NCKAP1: variants seen among roughly 807,000 people sequenced by gnomAD.
The protein encoded by NCKAP1 is nck-associated protein 1.
A neutral mutation model predicts 151.2 loss-of-function variants in NCKAP1; 21 were observed. The observed-to-expected ratio is 0.14, with a 90% CI of 0.10 to 0.20. The LOEUF is 0.20. Ranked by LOEUF, NCKAP1 falls within the 10% of genes least tolerant of loss-of-function variation. The pLI is 1.00. For synonymous variants in NCKAP1, 484 were observed against 451.8 expected, an observed-to-expected ratio of 1.07 and a Z score of -0.90; for missense variants, 933 against 1,352.1, an observed-to-expected ratio of 0.69 and a Z score of 4.86.
At chr2:183,000,818 C>T (rs1698361078) in intron 6 of NCKAP1, among the ~76,000 whole-genome samples, 1 of 152,160 alleles carries the variant, frequency 6.6e-6, no homozygotes, top group Non-Finnish European at 1.5e-5. Flanking sequence ...AGTGGCCAGG[C>T]ACAGTGGCTC....
intron 2 of NCKAP1, among the ~76,000 whole-genome samples, chr2:183,005,008 ACT>A (rs1418915395): frequency 1.3e-5 from 2 of 150,890 alleles, no homozygotes; most frequent in African/African-American, 4.9e-5. Context: ...AGAGTAGCTG[ACT>A]CTATTTTGCA....
At chr2:182,945,519 T>C (rs1697086251) in intron 23 of NCKAP1, among the ~76,000 whole-genome samples, 1 of 152,148 alleles carries the variant, frequency 6.6e-6, no homozygotes. Context: ...AAGATGCTAT[T>C]AGAGATATCA....
intron 8 of NCKAP1, among the ~76,000 whole-genome samples, chr2:182,990,066 GAATA>G (rs1279329023): frequency 5.9e-5 from 9 of 151,426 alleles, no homozygotes; most frequent in African/African-American, 9.7e-5. Context: ...CTAATCATGA[GAATA>G]AATCATAGCA....
chr2:182,954,280 C>G (rs1322124055), intron 20 of NCKAP1, among the ~76,000 whole-genome samples: 1 of 152,044 alleles, frequency 6.6e-6, no homozygotes, highest in African/African-American at 2.4e-5. Flanking sequence ...CTGTTTATAT[C>G]TCAAGAAACT....
chr2:183,030,717 A>G, intron 1 of NCKAP1, among the ~76,000 whole-genome samples: 1 of 152,252 alleles, frequency 6.6e-6, no homozygotes, highest in East Asian at 1.9e-4. Flanking sequence ...TAATACCTAG[A>G]GGAAGAATAG....
intron 18 of NCKAP1, among the ~76,000 whole-genome samples, chr2:182,960,152 C>A (rs889371367): frequency 6.6e-6 from 1 of 152,182 alleles, no homozygotes; most frequent in Admixed American, 6.5e-5. Flanking sequence ...AATGGCTACA[C>A]TGCCCAAGGT....
At chr2:183,015,067 T>C (rs895496127) in intron 2 of NCKAP1, among the ~76,000 whole-genome samples, 1 of 152,224 alleles carries the variant, frequency 6.6e-6, no homozygotes. Flanking sequence ...CCCAGTGTAA[T>C]GCTCATTGGC....
chr2:182,950,126 C>T (rs1255268366), intron 23 of NCKAP1, among the ~76,000 whole-genome samples: 1 of 152,022 alleles, frequency 6.6e-6, no homozygotes, highest in Non-Finnish European at 1.5e-5. Context: ...TTTGAAATGA[C>T]ACAACAGCAA....
chr2:183,010,902 T>C (rs1698579541), intron 2 of NCKAP1, among the ~76,000 whole-genome samples: 1 of 152,226 alleles, frequency 6.6e-6, no homozygotes, highest in South Asian at 2.1e-4. Flanking sequence ...TTTTAAAACC[T>C]TTCTAATATG....
intron 24 of NCKAP1, among the ~76,000 whole-genome samples, chr2:182,936,215 C>T (rs912515672): frequency 3.3e-5 from 5 of 151,916 alleles, no homozygotes; most frequent in African/African-American, 1.2e-4. Context: ...CATGCCACTG[C>T]ACATCAGCCT....
chr2:182,978,816 A>G lies in NCKAP1; in HGVS notation c.1423+18T>C. The stretch of plus-strand genomic sequence containing the variant: ...TCTAATTAGAAGAAAATATGCTTTT[A>G]TTTAAAAGGCTTATTACCTTGTTTT... On this transcript the variant is annotated intron_variant, in intron 14 of 30. Transcript: ENST00000361354. 1 of 1,421,618 alleles carries G rather than the reference A, an allele frequency of 7.0e-7. No individual in the cohort carries two copies. Among genetic ancestry groups the G allele is most frequent in the Non-Finnish European group, 9.6e-7 (1 of 1,040,070 alleles). The allele number at this position is 1,421,618 out of a possible 1,614,324, so 88.1% of individuals were successfully genotyped here.
rs1234666065 is a variant in NCKAP1 at position 182,925,802 on chromosome 2, G to A, written c.3287C>T (p.Pro1096Leu). Residue 1096 changes from proline (P) to leucine (L), a missense_variant, in exon 31 of 31, where the codon CCA becomes CTA. Pro to Leu is a moderately conservative substitution (Grantham distance 98, BLOSUM62 -3). Coordinates refer to ENST00000361354, the MANE Select transcript of NCKAP1 (RefSeq NM_013436.5). ...LLLDMIVQES[P>L]FLTMDLLESC... is the part of the protein sequence containing the mutation. ...TTCCAAAAGATCCATTGTAAGGAAT[G>A]GAGATTCTTGTACAATCTGTAAAAT... is the stretch of plus-strand genomic sequence containing the variant. 1.3e-6 allele frequency: 2 copies of A among 1,565,870 alleles called. No individual in the cohort carries two copies. Among genetic ancestry groups the A allele is most frequent in the South Asian group, 1.2e-5 (1 of 83,360 alleles).
Position 182,925,643 on chromosome 2 carries a change from G to T in NCKAP1, c.*59C>A. 1 of 933,260 alleles carries T rather than the reference G, an allele frequency of 1.1e-6. No individual in the cohort carries two copies. Among genetic ancestry groups the T allele is most frequent in the Non-Finnish European group, 1.6e-6 (1 of 625,668 alleles). 57.8% of individuals were successfully genotyped at this position (933,260 alleles called of 1,614,324 possible). ...GGTCTTAAGGTAAAATAGTTCCACA[G>T]TCTACAGGTAAAACCAAGGCAACAA... On this transcript the variant is annotated 3_prime_UTR_variant, in exon 31 of 31. Transcript: ENST00000361354.
intron 12 of NCKAP1, among the ~76,000 whole-genome samples, chr2:182,981,908 C>CAAAAAA (rs77694869): frequency 1.9e-5 from 1 of 51,870 alleles, no homozygotes; most frequent in Non-Finnish European, 3.9e-5. Flanking sequence ...AACTCCGTCT[C>CAAAAAA]AAAAAAAAAA....
chr2:182,912,781 C>A lies in NCKAP1; in HGVS notation c.*12921G>T, dbSNP rs1696414932. 6.7e-6 allele frequency: 1 copy of A among 149,868 alleles called. No homozygotes were observed. Among genetic ancestry groups the A allele is most frequent in the African/African-American group, 2.4e-5 (1 of 41,036 alleles). 9.3% of individuals were successfully genotyped at this position (149,868 alleles called of 1,614,324 possible). ...TTACTCTGTTAAGCATGCCTTGCAC[C>A]AAATTAAAATATGTGCACTAGCACA... is the stretch of plus-strand genomic sequence containing the variant. On this transcript the variant is annotated 3_prime_UTR_variant, in exon 31 of 31. Coordinates refer to ENST00000361354, the MANE Select transcript of NCKAP1 (RefSeq NM_013436.5).
chr2:182,983,079 AGTAT>A, intron 11 of NCKAP1, 152 bp from the exon 12 acceptor site: 1 of 697,846 alleles, frequency 1.4e-6, no homozygotes, highest in Non-Finnish European at 2.4e-6. Flanking sequence ...AGAACCTGTA[AGTAT>A]GTATGAGAGA....
intron 8 of NCKAP1, among the ~76,000 whole-genome samples, chr2:182,989,605 G>A (rs1374929036): frequency 3.3e-5 from 5 of 152,172 alleles, no homozygotes; most frequent in East Asian, 1.9e-4. Context: ...CCAGCACTGC[G>A]GGAGGTTGAA....
chr2:182,976,827 T>C (rs1395264777), intron 15 of NCKAP1, 66 bp downstream of exon 15: 1 of 981,884 alleles, frequency 1.0e-6, no homozygotes, highest in African/African-American at 1.7e-5. Context: ...TATTTTATAG[T>C]TGTTATAAAA....
chr2:183,036,888 G>A (rs1380058717), intron 1 of NCKAP1, among the ~76,000 whole-genome samples: 1 of 151,310 alleles, frequency 6.6e-6, no homozygotes, highest in Non-Finnish European at 1.5e-5. Flanking sequence ...AAACTAAACG[G>A]TAACATTCAC....
Sources: gnomAD v4.1 joint callset for allele counts (sites outside exome capture counted in the v4.1 genomes callset) on GRCh38, gnomAD v4.1.1 for gene constraint, MANE v1.5 for transcripts, NCBI Gene and HGNC (gene_info 2026-07-23, HGNC 2026-07-21) for gene names.